The following SHISA9 variants were observed in gnomAD, a reference collection of about 807,000 sequenced individuals.
SHISA9 encodes shisa family member 9, also known as protein shisa-9.
In SHISA9, 13 loss-of-function variants were observed where a neutral mutation model predicts 38.0. That is an observed-to-expected ratio of 0.34 (90% CI 0.22 to 0.54). SHISA9 has a LOEUF of 0.54. SHISA9 is among the 20% of genes least tolerant of loss of function. The pLI is 0.91. For synonymous variants in SHISA9, 275 were observed against 242.0 expected, an observed-to-expected ratio of 1.14 and a Z score of -1.27; for missense variants, 538 against 575.8, an observed-to-expected ratio of 0.93 and a Z score of 0.67.
At chr16:13,529,959 T>TAG in the SHISA9 span, among the ~76,000 whole-genome samples, 31 of 152,330 alleles carry the variant, frequency 2.0e-4, no homozygotes, top group African/African-American at 7.5e-4. Flanking sequence ...GAGCAGAAGC[T>TAG]TACTACAGAC....
the SHISA9 span, among the ~76,000 whole-genome samples, chr16:13,555,433 T>A: frequency 6.6e-6 from 1 of 152,116 alleles, no homozygotes; most frequent in South Asian, 2.1e-4. Context: ...CACCGAAATG[T>A]GAGAACATTT....
At chr16:13,188,495 A>G (rs920008927) in intron 2 of SHISA9, among the ~76,000 whole-genome samples, 1 of 152,106 alleles carries the variant, frequency 6.6e-6, no homozygotes, top group Admixed American at 6.5e-5. Context: ...ACGTGAGAGG[A>G]TGGCTTGAGC....
At chr16:13,052,085 T>A (rs1343587872) in intron 2 of SHISA9, among the ~76,000 whole-genome samples, 6 of 152,170 alleles carry the variant, frequency 3.9e-5, no homozygotes, top group Non-Finnish European at 7.3e-5. Context: ...ATTTTAATAA[T>A]TTCTTATTGC....
intron 2 of SHISA9, among the ~76,000 whole-genome samples, chr16:13,030,118 C>T (rs1219299881): frequency 6.6e-6 from 1 of 152,154 alleles, no homozygotes; most frequent in Admixed American, 6.5e-5. Flanking sequence ...TTTTGAATGA[C>T]TTTTAAAAAT....
the SHISA9 span, among the ~76,000 whole-genome samples, chr16:13,255,804 C>G: frequency 1.3e-5 from 2 of 152,204 alleles, no homozygotes; most frequent in Admixed American, 1.3e-4. Flanking sequence ...GAAGACATGA[C>G]TCCAGTCTAT....
chr16:13,078,570 T>A (rs1435434177), intron 2 of SHISA9, among the ~76,000 whole-genome samples: 2 of 152,074 alleles, frequency 1.3e-5, no homozygotes. Flanking sequence ...CATGCCTGGA[T>A]AATTTTTGTA....
chr16:12,919,849 C>G (rs1278230782), intron 2 of SHISA9, among the ~76,000 whole-genome samples: 1 of 152,224 alleles, frequency 6.6e-6, no homozygotes, highest in Non-Finnish European at 1.5e-5. Flanking sequence ...GCCTCAACCT[C>G]TTTGATTAAC....
At chr16:12,920,111 C>G (rs9924621) in intron 2 of SHISA9, among the ~76,000 whole-genome samples, 1 of 150,700 alleles carries the variant, frequency 6.6e-6, no homozygotes, top group Admixed American at 6.6e-5. Context: ...CCTGGATCAA[C>G]GTTTCTCACT....
intron 2 of SHISA9, among the ~76,000 whole-genome samples, chr16:13,076,009 C>G (rs1040506018): frequency 2.6e-5 from 4 of 151,516 alleles, no homozygotes; most frequent in African/African-American, 9.7e-5. Flanking sequence ...AGGAGAAAAT[C>G]AACCCCCATT....
intron 4 of SHISA9, among the ~76,000 whole-genome samples, chr16:13,231,595 C>G (rs751908245): frequency 1.4e-4 from 21 of 152,228 alleles, no homozygotes; most frequent in Admixed American, 3.9e-4. Context: ...GAGGAAGTTT[C>G]TCTTGAAAGG....
At chr16:13,406,610 C>A in the SHISA9 span, among the ~76,000 whole-genome samples, 1 of 152,192 alleles carries the variant, frequency 6.6e-6, no homozygotes, top group Non-Finnish European at 1.5e-5. Context: ...TGAGTATGCA[C>A]CAGAAACACG....
the SHISA9 span, among the ~76,000 whole-genome samples, chr16:13,547,630 C>T: frequency 1.3e-5 from 2 of 152,148 alleles, no homozygotes; most frequent in Non-Finnish European, 2.9e-5. Context: ...ATCATGCTAA[C>T]TCACATTGAT....
the SHISA9 span, among the ~76,000 whole-genome samples, chr16:13,372,511 T>G: frequency 1.3e-5 from 2 of 152,180 alleles, no homozygotes; most frequent in Non-Finnish European, 2.9e-5. Context: ...TAACTCCTAC[T>G]CTGATATAAT....
At chr16:13,040,457 C>G (rs1596605271) in intron 2 of SHISA9, among the ~76,000 whole-genome samples, 1 of 152,342 alleles carries the variant, frequency 6.6e-6, no homozygotes, top group East Asian at 1.9e-4. Flanking sequence ...GCCTCCTTTT[C>G]TAAAAAGCTT....
At chr16:12,967,194 T>G (rs1182840064) in intron 2 of SHISA9, among the ~76,000 whole-genome samples, 1 of 151,788 alleles carries the variant, frequency 6.6e-6, no homozygotes, top group Non-Finnish European at 1.5e-5. Flanking sequence ...ATTAAGAAAA[T>G]GTGGCACATA....
chr16:13,113,209 CAAA>C (rs35316820), intron 2 of SHISA9, among the ~76,000 whole-genome samples: 24 of 65,228 alleles, frequency 3.7e-4, no homozygotes, highest in Admixed American at 7.4e-4. Flanking sequence ...GACTCCATCT[CAAA>C]AAAAAAAAAA....
At chr16:13,367,097 A>G in the SHISA9 span, among the ~76,000 whole-genome samples, 1 of 151,984 alleles carries the variant, frequency 6.6e-6, no homozygotes, top group African/African-American at 2.4e-5. Context: ...TCATTTGTCA[A>G]ACCAGTACAA....
chr16:13,055,815 A>G (rs1372530743), intron 2 of SHISA9, among the ~76,000 whole-genome samples: 1 of 152,200 alleles, frequency 6.6e-6, no homozygotes, highest in Non-Finnish European at 1.5e-5. Flanking sequence ...CTCAACCGAG[A>G]TGTATTGTTT....
At chr16:13,292,319 C>A in the SHISA9 span, among the ~76,000 whole-genome samples, 9 of 151,904 alleles carry the variant, frequency 5.9e-5, no homozygotes, top group Non-Finnish European at 1.3e-4. Flanking sequence ...CAGTTGGAAT[C>A]CTGAAACAGA....
Sources: allele counts gnomAD v4.1 joint callset (sites outside exome capture counted in the v4.1 genomes callset), GRCh38; gene constraint gnomAD v4.1.1; transcripts MANE v1.5; gene names NCBI Gene and HGNC (gene_info 2026-07-23, HGNC 2026-07-21).